Variants in ABR observed in about 807,000 individuals in gnomAD.
ABR encodes ABR activator of RhoGEF and GTPase, also known as active breakpoint cluster region-related protein.
A neutral mutation model predicts 107.2 loss-of-function variants in ABR; 35 were observed. The ratio of observed to expected loss-of-function variants is 0.33; its 90% CI spans 0.25 to 0.43. The LOEUF (loss-of-function observed/expected upper bound fraction) is 0.43, where lower values mean the gene tolerates loss of function less well. ABR is among the 20% of genes least tolerant of loss of function. The pLI, the probability that ABR is intolerant of heterozygous loss-of-function variation, is 1.00. For missense variants in ABR, 815 were observed against 1,115.2 expected, an observed-to-expected ratio of 0.73 and a Z score of 3.83; for synonymous variants, 498 against 462.0, an observed-to-expected ratio of 1.08 and a Z score of -1.00.
chr17:1,193,927 C>G (rs1293729073), intron 1 of ABR, among the ~76,000 whole-genome samples: 1 of 151,952 alleles, frequency 6.6e-6, no homozygotes, highest in Middle Eastern at 3.2e-3. Context: ...ATCTCCTGAC[C>G]TCGTGATCTG....
At chr17:1,182,504 A>C (rs2042166922), upstream of ABR, among the ~76,000 whole-genome samples, 1 of 152,138 alleles carries the variant, frequency 6.6e-6, no homozygotes, top group East Asian at 1.9e-4. Flanking sequence ...AGTAGCTGGG[A>C]CTACAGGCAC....
At chr17:1,065,270 C>T (rs12943192) in intron 10 of ABR, among the ~76,000 whole-genome samples, 20 of 6,438 alleles carry the variant, frequency 3.1e-3, no homozygotes, top group Middle Eastern at 0.17. Flanking sequence ...CTAGACACTG[C>T]TGTTACGTGA....
At chr17:1,082,566 C>G (rs1369327639) in intron 5 of ABR, among the ~76,000 whole-genome samples, 4 of 152,178 alleles carry the variant, frequency 2.6e-5, no homozygotes, top group Non-Finnish European at 5.9e-5. Context: ...GTGTTCCCGG[C>G]CAGGGATTCT....
At chr17:1,195,304 C>CCAAAAAAAAA (rs2042535439) in intron 1 of ABR, among the ~76,000 whole-genome samples, 1 of 87,638 alleles carries the variant, frequency 1.1e-5, no homozygotes, top group South Asian at 4.6e-4. Flanking sequence ...GAGACTGTCT[C>CCAAAAAAAAA]AAAAAAAAAA....
chr17:1,132,753 A>G (rs546041116), intron 1 of ABR, among the ~76,000 whole-genome samples: 5 of 152,220 alleles, frequency 3.3e-5, no homozygotes, highest in Non-Finnish European at 7.3e-5. Context: ...ATGAACAGAA[A>G]ATTTAAAAGA....
chr17:1,208,843 A>T (rs1026490987), intron 1 of ABR, among the ~76,000 whole-genome samples: 1 of 149,220 alleles, frequency 6.7e-6, no homozygotes, highest in Non-Finnish European at 1.5e-5. Flanking sequence ...AGCCGAGATC[A>T]TGCCACTGCG....
At position 1,050,240 on chromosome 17, in the gene ABR, G is replaced by T; in HGVS notation, c.1660-59C>A. 5.1e-6 allele frequency: 8 copies of T among 1,571,576 alleles called. No individual in the cohort carries two copies. Among genetic ancestry groups the T allele is most frequent in the Non-Finnish European group, 6.9e-6 (8 of 1,163,060 alleles). On this transcript the variant is annotated intron_variant, in intron 15 of 22. Coordinates refer to ENST00000302538, the MANE Select transcript of ABR (RefSeq NM_021962.5). The surrounding 1 kb of genome is among the most constrained non-coding windows in gnomAD (Gnocchi z 4.6). Reference sequence around the variant, plus strand: ...CCGAAGCTGGGAGGCCTGGCTTTCCGGCAGGTGCGTGCCTCAGCTTTGCAA... The same window carrying T: ...CCGAAGCTGGGAGGCCTGGCTTTCCTGCAGGTGCGTGCCTCAGCTTTGCAA...
intron 16 of ABR, 104 bp downstream of exon 16, chr17:1,049,946 G>C: frequency 6.8e-7 from 1 of 1,470,430 alleles, no homozygotes; most frequent in Non-Finnish European, 9.1e-7. Flanking sequence ...CAACCAGCTT[G>C]GAACCAAAAT....
chr17:1,174,097 G>A (rs534098426), intron 1 of ABR, among the ~76,000 whole-genome samples: 5 of 152,300 alleles, frequency 3.3e-5, no homozygotes, highest in South Asian at 4.1e-4. Context: ...GAGCCTCCCC[G>A]CCATTCCCCA....
At chr17:1,113,398 C>T (rs978850931) in intron 2 of ABR, among the ~76,000 whole-genome samples, 47 of 137,900 alleles carry the variant, frequency 3.4e-4, no homozygotes, top group South Asian at 9.4e-4. Flanking sequence ...CCCATTCTTT[C>T]GCCTCAGCCT....
intron 2 of ABR, among the ~76,000 whole-genome samples, chr17:1,108,759 G>A (rs1227050300): frequency 3.3e-5 from 5 of 152,118 alleles, no homozygotes; most frequent in Non-Finnish European, 7.4e-5. Flanking sequence ...CGAGGACACC[G>A]GTCGGGGAGG....
chr17:1,104,085 C>A (rs1163638447), intron 2 of ABR, among the ~76,000 whole-genome samples: 1 of 152,178 alleles, frequency 6.6e-6, no homozygotes, highest in African/African-American at 2.4e-5. Context: ...GGAGCGAGTT[C>A]TCTAAAGAGT....
At chr17:1,221,058 C>T (rs566066226) in intron 1 of ABR, among the ~76,000 whole-genome samples, 9 of 152,256 alleles carry the variant, frequency 5.9e-5, no homozygotes, top group East Asian at 5.8e-4. Flanking sequence ...ACAATTGTGC[C>T]GTGTGGGGCC....
intron 10 of ABR, among the ~76,000 whole-genome samples, chr17:1,061,110 G>A (rs1467757675): frequency 3.9e-5 from 6 of 152,228 alleles, no homozygotes; most frequent in East Asian, 1.9e-4. Flanking sequence ...AGCAAGGGGC[G>A]TGTCTGCTTC....
chr17:1,031,384 TGCCCGAGC>T (rs1220608760), intron 16 of ABR, among the ~76,000 whole-genome samples: 1 of 152,162 alleles, frequency 6.6e-6, no homozygotes, highest in African/African-American at 2.4e-5. Context: ...CAGGGGCAGA[TGCCCGAGC>T]GCCAGGGTCC....
intron 16 of ABR, among the ~76,000 whole-genome samples, chr17:1,021,304 C>T (rs558156674): frequency 1.1e-4 from 17 of 152,318 alleles, no homozygotes; most frequent in South Asian, 8.3e-4. Context: ...TCCTGAAAGC[C>T]GCTTCCCTCA....
At chr17:1,069,780 G>A (rs1264937030) in intron 9 of ABR, among the ~76,000 whole-genome samples, 189 bp downstream of exon 9, 1 of 93,610 alleles carries the variant, frequency 1.1e-5, no homozygotes. Flanking sequence ...GCAGAGGTCA[G>A]GACCCCCTCC....
intron 5 of ABR, among the ~76,000 whole-genome samples, chr17:1,082,943 G>C (rs2036343383): frequency 6.6e-6 from 1 of 152,030 alleles, no homozygotes. Flanking sequence ...GGCCAACACG[G>C]CAAAACCTCA....
chr17:1,219,516 C>T (rs1224393724), intron 1 of ABR, among the ~76,000 whole-genome samples: 2 of 148,730 alleles, frequency 1.3e-5, no homozygotes, highest in African/African-American at 2.5e-5. Flanking sequence ...TTTTGCGGTC[C>T]TTATTTTTTC....
Sources: gnomAD v4.1 joint callset for allele counts (sites outside exome capture counted in the v4.1 genomes callset) on GRCh38, gnomAD v4.1.1 for gene constraint, Gnocchi (gnomAD v3.1) non-coding constraint, MANE v1.5 for transcripts, NCBI Gene and HGNC (gene_info 2026-07-23, HGNC 2026-07-21) for gene names.